The following LRRTM4 variants were observed in gnomAD, a reference collection of about 807,000 sequenced individuals.
LRRTM4 encodes the protein leucine-rich repeat transmembrane neuronal protein 4.
LRRTM4 carries 25 observed loss-of-function variants against 47.6 expected under a neutral mutation model. That is an observed-to-expected ratio of 0.53 (90% CI 0.38 to 0.73). The LOEUF (loss-of-function observed/expected upper bound fraction) is 0.73. Among genes scored for constraint, LRRTM4 ranks in the 30% least tolerant of loss-of-function variants. The pLI is 0.00. For synonymous variants in LRRTM4, 311 were observed against 269.5 expected, an observed-to-expected ratio of 1.15 and a Z score of -1.51; for missense variants, 638 against 713.4, an observed-to-expected ratio of 0.89 and a Z score of 1.20.
chr2:77,125,587 T>G (rs1671633670), intron 3 of LRRTM4, among the ~76,000 whole-genome samples: 1 of 152,208 alleles, frequency 6.6e-6, no homozygotes, highest in Non-Finnish European at 1.5e-5. Context: ...TTACCATTTT[T>G]AAGATGCTTC....
rs1264598748 is a variant in LRRTM4, at chr2:76,807,445, CATATATATATATACATATATATATACAT to C, written c.1552-58557_1552-58530del. Among the ~76,000 whole-genome samples, 416 of 69,278 alleles carry C rather than the reference CATATATATATATACATATATATATACAT, an allele frequency of 6.0e-3. 7 individuals carry two copies. The highest frequency in any genetic ancestry group is 8.0e-3 in the Non-Finnish European group (331 of 41,566). 45.4% of individuals were successfully genotyped at this position (69,278 alleles called of 152,430 possible). On this transcript the variant is annotated intron_variant, in intron 3 of 3. Coordinates refer to ENST00000409884, the MANE Select transcript of LRRTM4 (RefSeq NM_001134745.3). ...ATATACATATATATATACGTATATA[CATATATATATATACATATATATATACAT>C]ATATATATATATACATATATATATA...
intron 3 of LRRTM4, among the ~76,000 whole-genome samples, chr2:76,825,760 C>T (rs1407498514): frequency 1.3e-5 from 2 of 151,350 alleles, no homozygotes; most frequent in African/African-American, 2.4e-5. Flanking sequence ...GTGCAAAGGT[C>T]GAGCTGCAGA....
At chr2:77,237,759 C>G (rs2103983200) in intron 3 of LRRTM4, among the ~76,000 whole-genome samples, 1 of 152,254 alleles carries the variant, frequency 6.6e-6, no homozygotes, top group Admixed American at 6.5e-5. Flanking sequence ...AGGAAATACA[C>G]AGAGCTCTAA....
At chr2:77,259,129 G>A (rs961211668) in intron 3 of LRRTM4, among the ~76,000 whole-genome samples, 20 of 151,872 alleles carry the variant, frequency 1.3e-4, no homozygotes, top group African/African-American at 4.3e-4. Context: ...AAAAAAATTT[G>A]TGTTTTTTAA....
At position 76,949,197 on chromosome 2, in the gene LRRTM4, C is replaced by T. The variant is rs144129889; in HGVS notation, c.1552-200281G>A. The stretch of plus-strand genomic sequence containing the variant: ...GAATTAGCTTACATCTATTTCTCTT[C>T]AGTTATTGGAGAAATCCTCAACACT... On this transcript the variant is annotated intron_variant, in intron 3 of 3. Transcript: ENST00000409884. Among the ~76,000 whole-genome samples, 18 of 151,946 alleles carry T rather than the reference C, an allele frequency of 1.2e-4. 1 individual carries two copies. The East Asian group carries it at 3.5e-3, about 30-fold the overall frequency.
chr2:77,212,414 C>G (rs1674317979), intron 3 of LRRTM4, among the ~76,000 whole-genome samples: 1 of 148,158 alleles, frequency 6.7e-6, no homozygotes, highest in Non-Finnish European at 1.5e-5. Flanking sequence ...GGTCACCAAT[C>G]AATCTTCTAT....
Position 77,381,403 on chromosome 2 carries a change from T to A in LRRTM4, c.1551+136915A>T, listed in dbSNP as rs141860767. On this transcript the variant is annotated intron_variant, in intron 3 of 3. Coordinates refer to ENST00000409884, the MANE Select transcript of LRRTM4 (RefSeq NM_001134745.3). ...ATCATTAACCAAGCCAAATGACAAATGACAAGCAAGAAAAAGGAGCAGCCG... is the reference window on the plus strand; with the variant it reads ...ATCATTAACCAAGCCAAATGACAAAAGACAAGCAAGAAAAAGGAGCAGCCG... Among the ~76,000 whole-genome samples, 1,192 of 152,062 alleles carry A rather than the reference T, an allele frequency of 7.8e-3. 15 individuals are homozygous for A. The highest frequency in any genetic ancestry group is 0.028 in the African/African-American group (1,147 of 41,514).
At chr2:77,485,143 C>T (rs1677858859) in intron 3 of LRRTM4, among the ~76,000 whole-genome samples, 1 of 151,880 alleles carries the variant, frequency 6.6e-6, no homozygotes, top group Non-Finnish European at 1.5e-5. Flanking sequence ...ATTTACTAGA[C>T]TCCTAAATAT....
intron 3 of LRRTM4, among the ~76,000 whole-genome samples, chr2:76,769,198 G>A: frequency 6.6e-6 from 1 of 152,014 alleles, no homozygotes. Context: ...TGCTCCCTTG[G>A]TTTCATAAAC....
chr2:77,362,182 GAAGA>G (rs1207835419), intron 3 of LRRTM4, among the ~76,000 whole-genome samples: 7 of 126,108 alleles, frequency 5.6e-5, no homozygotes, highest in African/African-American at 2.1e-4. Flanking sequence ...AGGAAGGAAG[GAAGA>G]GTTCTTAATG....
intron 3 of LRRTM4, among the ~76,000 whole-genome samples, chr2:77,216,612 C>T (rs925758892): frequency 1.3e-5 from 2 of 152,094 alleles, no homozygotes; most frequent in East Asian, 3.9e-4. Flanking sequence ...CTTAAAATTT[C>T]TCCCCTGAAG....
At chr2:77,199,479 T>C (rs2103896413) in intron 3 of LRRTM4, among the ~76,000 whole-genome samples, 1 of 152,262 alleles carries the variant, frequency 6.6e-6, no homozygotes, top group Middle Eastern at 3.4e-3. Flanking sequence ...GGTTCTAATT[T>C]TGGATTTGTC....
At chr2:76,838,209 A>T (rs1671574004) in intron 3 of LRRTM4, among the ~76,000 whole-genome samples, 1 of 152,030 alleles carries the variant, frequency 6.6e-6, no homozygotes, top group African/African-American at 2.4e-5. Flanking sequence ...AATATAAAAG[A>T]GGTACGTAAT....
intron 3 of LRRTM4, among the ~76,000 whole-genome samples, chr2:76,937,504 T>C (rs1239429196): frequency 6.6e-6 from 1 of 152,208 alleles, no homozygotes; most frequent in Non-Finnish European, 1.5e-5. Flanking sequence ...CAAATCATTT[T>C]GCTATTTTAA....
chr2:76,905,618 A>C (rs76351667), intron 3 of LRRTM4, among the ~76,000 whole-genome samples: 2 of 147,238 alleles, frequency 1.4e-5, no homozygotes. Flanking sequence ...AGACGAATGT[A>C]TAACTAGAAT....
At chr2:77,346,929 G>T (rs1462624649) in intron 3 of LRRTM4, among the ~76,000 whole-genome samples, 1 of 152,036 alleles carries the variant, frequency 6.6e-6, no homozygotes, top group African/African-American at 2.4e-5. Context: ...TTATGTGTGT[G>T]ATGCGACATA....
chr2:77,513,146 C>T (rs1679082869), intron 3 of LRRTM4, among the ~76,000 whole-genome samples: 1 of 152,130 alleles, frequency 6.6e-6, no homozygotes, highest in Non-Finnish European at 1.5e-5. Context: ...GGAGTGTGCA[C>T]TCATGTGCTC....
chr2:76,987,736 G>C (rs1226825699), intron 3 of LRRTM4, among the ~76,000 whole-genome samples: 3 of 151,778 alleles, frequency 2.0e-5, no homozygotes, highest in Non-Finnish European at 4.4e-5. Context: ...CAGTACGACA[G>C]AGTCTCCATT....
intron 3 of LRRTM4, among the ~76,000 whole-genome samples, chr2:77,362,164 A>AGAAAGAAAGAAAGAAAGAAG (rs1553434448): frequency 6.6e-5 from 10 of 151,474 alleles, no homozygotes; most frequent in African/African-American, 2.4e-4. Flanking sequence ...AAAGAAAGAA[A>AGAAAGAAAGAAAGAAAGAAG]GAAAGAAAGG....
Sources: allele counts gnomAD v4.1 joint callset (sites outside exome capture counted in the v4.1 genomes callset), GRCh38; gene constraint gnomAD v4.1.1; transcripts MANE v1.5; gene names NCBI Gene and HGNC (gene_info 2026-07-23, HGNC 2026-07-21).